Variants in AKAP13 observed in about 807,000 individuals in gnomAD.
AKAP13 encodes A-kinase anchor protein 13.
A neutral mutation model predicts 264.5 loss-of-function variants in AKAP13; 80 were observed. The observed-to-expected ratio is 0.30, with a 90% CI of 0.25 to 0.36. AKAP13 has a LOEUF of 0.36. AKAP13 is among the 10% of genes least tolerant of loss of function. The pLI is 1.00. For synonymous variants in AKAP13, 1,380 were observed against 1,250.2 expected (o/e 1.10, Z -2.19); for missense variants, 3,712 against 3,435.2 (o/e 1.08, Z -2.01).
At chr15:85,723,463 T>G in intron 26 of AKAP13, 143 bp downstream of exon 26, 1 of 1,163,842 alleles carries the variant, frequency 8.6e-7, no homozygotes, top group Non-Finnish European at 1.2e-6. Context: ...AGCATTTAGT[T>G]CTTCGTAATC....
chr15:85,513,647 A>G (rs2076514649), intron 2 of AKAP13, among the ~76,000 whole-genome samples: 1 of 152,172 alleles, frequency 6.6e-6, no homozygotes, highest in Admixed American at 6.5e-5. Context: ...AAAATGCTTC[A>G]GTATGTATTT....
intron 8 of AKAP13, among the ~76,000 whole-genome samples, chr15:85,636,047 T>C (rs1290691009): frequency 2.6e-5 from 4 of 152,346 alleles, no homozygotes; most frequent in African/African-American, 9.6e-5. Context: ...TCTGATCTCA[T>C]GGAATCTCTG....
chr15:85,743,470 C>T, intron 35 of AKAP13, 22 bp from the exon 36 acceptor site: 2 of 1,602,332 alleles, frequency 1.2e-6, no homozygotes, highest in Non-Finnish European at 8.5e-7. Flanking sequence ...CAAGTGAAAA[C>T]CCTTCTCTTG....
At chr15:85,565,892 G>T (rs1205732339) in intron 5 of AKAP13, among the ~76,000 whole-genome samples, 1 of 152,198 alleles carries the variant, frequency 6.6e-6, no homozygotes, top group Non-Finnish European at 1.5e-5. Flanking sequence ...TGTCTTAGTT[G>T]TATTTGTGAA....
chr15:85,658,496 G>C, intron 11 of AKAP13, 41 bp from the exon 12 acceptor site: 22 of 1,601,654 alleles, frequency 1.4e-5, no homozygotes, highest in Non-Finnish European at 1.8e-5. Context: ...ATCCCATTTT[G>C]TTTCACCTGC....
At chr15:85,629,685 G>A (rs1350281980) in intron 8 of AKAP13, among the ~76,000 whole-genome samples, 1 of 150,328 alleles carries the variant, frequency 6.7e-6, no homozygotes, top group African/African-American at 2.4e-5. Flanking sequence ...CCTTCTCAGG[G>A]GTATGTAAAA....
At position 85,477,360 on chromosome 15, in the gene AKAP13, C is replaced by A. The variant is rs1370799738; in HGVS notation, c.-11-8350C>A. ...AATGATCTGGGCTACTTCCAAGACC[C>A]CTTCTACCTGTAAGTTCTTGTAATT... On this transcript the variant is annotated intron_variant, in intron 1 of 36. Coordinates refer to ENST00000394518, the MANE Select transcript of AKAP13 (RefSeq NM_007200.5). Among the ~76,000 whole-genome samples the A allele has an allele frequency of 2.6e-5, 4 of 151,692 alleles. No individual in the cohort carries two copies. The East Asian group carries it at 7.8e-4, about 30-fold the overall frequency.
chr15:85,590,262 G>T (rs1472611667), intron 8 of AKAP13, among the ~76,000 whole-genome samples: 1 of 152,164 alleles, frequency 6.6e-6, no homozygotes, highest in African/African-American at 2.4e-5. Flanking sequence ...TCTAATAAAT[G>T]TAAATAATCC....
intron 1 of AKAP13, among the ~76,000 whole-genome samples, chr15:85,467,435 G>A (rs917028198): frequency 6.6e-6 from 1 of 151,848 alleles, no homozygotes; most frequent in Non-Finnish European, 1.5e-5. Flanking sequence ...TTCCTTTAAA[G>A]AGCCATGAGT....
At chr15:85,544,611 A>G (rs181580032) in intron 5 of AKAP13, among the ~76,000 whole-genome samples, 110 of 152,368 alleles carry the variant, frequency 7.2e-4, no homozygotes, top group Non-Finnish European at 1.2e-3. Flanking sequence ...TAGTCAAAAC[A>G]TTTGAAGAGC....
At chr15:85,664,845 G>A (rs562559470) in intron 13 of AKAP13, 90 bp downstream of exon 13, 6 of 1,229,784 alleles carry the variant, frequency 4.9e-6, no homozygotes, top group South Asian at 4.6e-5. Flanking sequence ...AAGGCTAGTA[G>A]CTATGATTAC....
intron 8 of AKAP13, among the ~76,000 whole-genome samples, chr15:85,637,796 T>C (rs2151467980): frequency 6.6e-6 from 1 of 152,194 alleles, no homozygotes; most frequent in South Asian, 2.1e-4. Context: ...TATCCACACA[T>C]TTTTATATGT....
intron 1 of AKAP13, among the ~76,000 whole-genome samples, chr15:85,445,802 A>C (rs756468056): frequency 1.3e-5 from 2 of 152,170 alleles, no homozygotes; most frequent in Non-Finnish European, 2.9e-5. Flanking sequence ...TGATGCTTCT[A>C]TTTATTTTTA....
intron 5 of AKAP13, among the ~76,000 whole-genome samples, chr15:85,564,891 T>A (rs2078547657): frequency 6.6e-6 from 1 of 152,164 alleles, no homozygotes; most frequent in African/African-American, 2.4e-5. Flanking sequence ...CAATGGGGCT[T>A]CCAGATGAGT....
At chr15:85,570,809 A>T (rs1567131327) in intron 5 of AKAP13, among the ~76,000 whole-genome samples, 1 of 152,176 alleles carries the variant, frequency 6.6e-6, no homozygotes, top group South Asian at 2.1e-4. Flanking sequence ...GGAAGGAGCT[A>T]GTCCAGAAGT....
In AKAP13 at chr15:85,485,682, A is replaced by T. The variant is rs766211586; in HGVS notation, c.-11-28A>T. 5.0e-6 allele frequency: 8 copies of T among 1,607,202 alleles called. No homozygotes were observed. The African/African-American group carries it at 1.1e-4, about 21-fold the overall frequency. On this transcript the variant is annotated intron_variant, in intron 1 of 36. Transcript: ENST00000394518. ...ATTTTCGGTGACAACTTTTAATTTT[A>T]TTCTCATTTATTCCATTTCTGTTTC...
intron 14 of AKAP13, chr15:85,677,123 G>C (rs1177470813): frequency 2.0e-6 from 2 of 985,344 alleles, no homozygotes; most frequent in Admixed American, 1.2e-4. Flanking sequence ...TTGGTGTCCA[G>C]TGACTGTTCT....
At chr15:85,685,750 C>G (rs2084875560) in intron 16 of AKAP13, among the ~76,000 whole-genome samples, 1 of 152,106 alleles carries the variant, frequency 6.6e-6, no homozygotes, top group African/African-American at 2.4e-5. Context: ...CTGCAGGCTT[C>G]CGAAGCCCTG....
At chr15:85,743,135 T>C (rs1020897729) in intron 35 of AKAP13, among the ~76,000 whole-genome samples, 2 of 152,188 alleles carry the variant, frequency 1.3e-5, no homozygotes, top group African/African-American at 4.8e-5. Flanking sequence ...TCTGCATCCC[T>C]GTGTAGAGCA....
Sources: gnomAD v4.1 joint callset for allele counts (sites outside exome capture counted in the v4.1 genomes callset) on GRCh38, gnomAD v4.1.1 for gene constraint, MANE v1.5 for transcripts, NCBI Gene and HGNC (gene_info 2026-07-23, HGNC 2026-07-21) for gene names.